ENOX1: variants seen among roughly 807,000 people sequenced by gnomAD.
The protein encoded by ENOX1 is candidate growth-related and time keeping constitutive hydroquinone (NADH) oxidase.
Under a neutral mutation model 82.5 loss-of-function variants are expected in ENOX1, and 42 were observed. The ratio of observed to expected loss-of-function variants is 0.51; its 90% CI spans 0.40 to 0.66. The LOEUF (loss-of-function observed/expected upper bound fraction) is 0.66, where lower values mean the gene tolerates loss of function less well. ENOX1 is among the 30% of genes least tolerant of loss of function. ENOX1 has a pLI of 0.00. For missense variants in ENOX1, 608 were observed against 811.6 expected, an observed-to-expected ratio of 0.75 and a Z score of 3.05; for synonymous variants, 271 against 282.2, an observed-to-expected ratio of 0.96 and a Z score of 0.40.
At chr13:43,344,408 A>G (rs2049254360) in intron 9 of ENOX1, 130 bp downstream of exon 9, 2 of 737,728 alleles carry the variant, frequency 2.7e-6, no homozygotes, top group South Asian at 3.8e-5. Context: ...TAGGTTATGA[A>G]GTTTGCCATT....
At chr13:43,597,211 G>A (rs2081511674) in intron 2 of ENOX1, among the ~76,000 whole-genome samples, 2 of 152,126 alleles carry the variant, frequency 1.3e-5, no homozygotes, top group African/African-American at 4.8e-5. Flanking sequence ...GCCCCCATGA[G>A]CCAATCACCT....
intron 2 of ENOX1, among the ~76,000 whole-genome samples, chr13:43,534,277 T>A (rs2078357051): frequency 6.6e-6 from 1 of 152,120 alleles, no homozygotes; most frequent in Admixed American, 6.6e-5. Flanking sequence ...AGGCTTGTGT[T>A]CTGAAGAACA....
chr13:43,383,813 T>A (rs548314033), intron 5 of ENOX1, among the ~76,000 whole-genome samples: 1 of 152,204 alleles, frequency 6.6e-6, no homozygotes, highest in African/African-American at 2.4e-5. Flanking sequence ...GTAGAATGCA[T>A]GAATTTGTTG....
chr13:43,282,090 G>C (rs2045419171), intron 12 of ENOX1, among the ~76,000 whole-genome samples: 1 of 151,978 alleles, frequency 6.6e-6, no homozygotes, highest in Non-Finnish European at 1.5e-5. Context: ...CATTTTTCTT[G>C]GTTGTTTTAG....
At position 43,389,852 on chromosome 13, in the gene ENOX1, G is replaced by T. The variant is rs73469689; in HGVS notation, c.208+22064C>A. Among the ~76,000 whole-genome samples the T allele has an allele frequency of 8.5e-3, 1,295 of 152,278 alleles. 17 individuals are homozygous for T. Among genetic ancestry groups the T allele is most frequent in the African/African-American group, 0.03 (1,237 of 41,564 alleles). ...CCCATTTCATGGAGCCAAGACAGTA[G>T]GGTCTACGGAAACAATGGCTGTCCT... On this transcript the variant is annotated intron_variant, in intron 5 of 16. Transcript: ENST00000690772.
intron 13 of ENOX1, 152 bp downstream of exon 13, chr13:43,269,318 C>T (rs1235324743): frequency 2.1e-5 from 13 of 617,490 alleles, no homozygotes; most frequent in Admixed American, 5.1e-5. Context: ...TTATAAATTC[C>T]GCATAGCAAA....
chr13:43,412,832 C>T lies in ENOX1; in HGVS notation c.70+13G>A. On this transcript the variant is annotated intron_variant, in intron 4 of 16. Coordinates refer to ENST00000690772, the MANE Select transcript of ENOX1 (RefSeq NM_001347969.2). Reference sequence around the variant, plus strand: ...ATCCTTGTTTGTGTCCTGTGCTGGCCACTGGCATTTACCTGCAGCCATCAT... The same window carrying T: ...ATCCTTGTTTGTGTCCTGTGCTGGCTACTGGCATTTACCTGCAGCCATCAT... The T allele has an allele frequency of 6.2e-7, 1 of 1,613,934 alleles. No individual in the cohort carries two copies. The highest frequency in any genetic ancestry group is 8.5e-7 in the Non-Finnish European group (1 of 1,179,974).
At chr13:43,229,636 G>A (rs755375394) in intron 15 of ENOX1, among the ~76,000 whole-genome samples, 72 of 152,302 alleles carry the variant, frequency 4.7e-4, no homozygotes, top group Non-Finnish European at 8.2e-4. Context: ...CTTCCCTCAA[G>A]CTGCTGTATG....
chr13:43,518,361 C>T lies in ENOX1; in HGVS notation c.-218-34209G>A, dbSNP rs191370173. Among the ~76,000 whole-genome samples the T allele has an allele frequency of 4.8e-4, 73 of 152,028 alleles. 1 individual carries two copies. Among genetic ancestry groups the T allele is most frequent in the African/African-American group, 1.5e-3 (63 of 41,490 alleles). On this transcript the variant is annotated intron_variant, in intron 2 of 16. Transcript: ENST00000690772. ...ATACCTTACTACCAAATTTGTCATA[C>T]GTTCAAATGTCTATTAGCAAGCAGA... is the stretch of plus-strand genomic sequence containing the variant.
chr13:43,771,541 C>CT (rs770802138), intron 1 of ENOX1, among the ~76,000 whole-genome samples: 1 of 152,224 alleles, frequency 6.6e-6, no homozygotes, highest in East Asian at 1.9e-4. Flanking sequence ...CTTTGAAAGA[C>CT]TTTTGAAAAA....
chr13:43,481,976 T>C (rs1245941522), intron 3 of ENOX1, among the ~76,000 whole-genome samples: 2 of 152,176 alleles, frequency 1.3e-5, no homozygotes, highest in Non-Finnish European at 2.9e-5. Flanking sequence ...CTCAAGATGG[T>C]TATTATTTAA....
intron 2 of ENOX1, among the ~76,000 whole-genome samples, chr13:43,661,419 T>G (rs2084721342): frequency 6.6e-6 from 1 of 152,188 alleles, no homozygotes; most frequent in Non-Finnish European, 1.5e-5. Context: ...TGGACAAGTC[T>G]GAACACAGAT....
At chr13:43,470,378 A>ATATGTATATATATATGTG (rs2058004887) in intron 3 of ENOX1, among the ~76,000 whole-genome samples, 1 of 35,724 alleles carries the variant, frequency 2.8e-5, no homozygotes, top group Non-Finnish European at 8.2e-5. Context: ...ATATATATAC[A>ATATGTATATATATATGTG]TATATATACG....
At chr13:43,387,087 A>C (rs2052460282) in intron 5 of ENOX1, among the ~76,000 whole-genome samples, 1 of 152,216 alleles carries the variant, frequency 6.6e-6, no homozygotes, top group East Asian at 1.9e-4. Flanking sequence ...TATGCCAGGC[A>C]TTGTTTTAGG....
chr13:43,690,568 T>C lies in ENOX1; in HGVS notation c.-284-23024A>G, dbSNP rs140483194. On this transcript the variant is annotated intron_variant, in intron 1 of 16. Transcript: ENST00000690772. ...CTCATATCAGGAATGAATTTAACCA[T>C]TGGAAATAGCCTTCCAATTAGCAAA... Among the ~76,000 whole-genome samples the C allele has an allele frequency of 4.6e-4, 70 of 152,136 alleles. No individual in the cohort carries two copies. In the East Asian group the frequency reaches 0.014, roughly 29 times the overall value.
intron 3 of ENOX1, among the ~76,000 whole-genome samples, chr13:43,439,410 C>T (rs541628459): frequency 6.6e-6 from 1 of 152,118 alleles, no homozygotes; most frequent in South Asian, 2.1e-4. Flanking sequence ...CCATGCTCGT[C>T]AGGCTGGTCT....
intron 2 of ENOX1, among the ~76,000 whole-genome samples, chr13:43,571,713 CA>C (rs1409577901): frequency 1.3e-5 from 2 of 151,840 alleles, no homozygotes; most frequent in African/African-American, 4.8e-5. Context: ...AACAAACAAA[CA>C]AAAATCAAAC....
chr13:43,761,164 G>A (rs182081968), intron 1 of ENOX1, among the ~76,000 whole-genome samples: 496 of 151,886 alleles, frequency 3.3e-3, no homozygotes, highest in Middle Eastern at 6.8e-3. Context: ...CAATGCTCCC[G>A]GAGCAGAGAT....
rs781200313 is a variant in ENOX1 at position 43,322,461 on chromosome 13, C to T, written c.1184G>A (p.Arg395His). Residue 395 changes from arginine (R) to histidine (H), a missense_variant, in exon 11 of 17, where the codon CGC (arginine) becomes CAC (histidine). Arg to His is a conservative substitution (Grantham distance 29, BLOSUM62 0). Transcript: ENST00000690772. The stretch of plus-strand genomic sequence containing the variant: ...AGACATTTCCATTTCTTCTTCGCGG[C>T]GGATGCCCATGAGCTGCTCACTTTG... The part of the protein sequence containing the change: ...NAQSEQLMGI[R>H]REEEMEMSDD... 34 of 1,613,916 alleles carry T rather than the reference C, an allele frequency of 2.1e-5. No individual in the cohort carries two copies. Among genetic ancestry groups the T allele is most frequent in the Non-Finnish European group, 2.6e-5 (31 of 1,179,956 alleles).
Sources: allele counts gnomAD v4.1 joint callset (sites outside exome capture counted in the v4.1 genomes callset), GRCh38; gene constraint gnomAD v4.1.1; transcripts MANE v1.5; gene names NCBI Gene and HGNC (gene_info 2026-07-23, HGNC 2026-07-21).